The following NRXN1 variants were observed in gnomAD, a reference collection of about 807,000 sequenced individuals.
NRXN1 encodes the protein neurexin 1, also known as neurexin-1.
A neutral mutation model predicts 150.9 loss-of-function variants in NRXN1; 39 were observed. The ratio of observed to expected loss-of-function variants is 0.26; its 90% CI spans 0.20 to 0.34. The LOEUF (loss-of-function observed/expected upper bound fraction) is 0.34, where lower values mean the gene tolerates loss of function less well. NRXN1 is among the 10% of genes least tolerant of loss of function. The pLI, the probability that NRXN1 is intolerant of heterozygous loss-of-function variation, is 1.00. For missense variants in NRXN1, 1,815 were observed against 1,949.9 expected (o/e 0.93, Z 1.30); for synonymous variants, 924 against 757.0 (o/e 1.22, Z -3.62).
At chr2:51,006,087 C>A (rs953272885) in intron 2 of NRXN1, among the ~76,000 whole-genome samples, 9 of 151,766 alleles carry the variant, frequency 5.9e-5, no homozygotes, top group Admixed American at 2.0e-4. Context: ...AGCTAGCAAT[C>A]TTCAAAACGT....
chr2:51,005,880 T>C (rs1398760660), intron 2 of NRXN1, among the ~76,000 whole-genome samples: 2 of 151,872 alleles, frequency 1.3e-5, no homozygotes, highest in African/African-American at 4.8e-5. Context: ...AAATATATGT[T>C]GCCTACAAGA....
intron 5 of NRXN1, among the ~76,000 whole-genome samples, chr2:50,770,692 T>C (rs1364822886): frequency 5.3e-5 from 8 of 152,086 alleles, no homozygotes; most frequent in African/African-American, 1.7e-4. Context: ...TTTTTATTAC[T>C]ATTTTTCAAA....
chr2:50,447,987 T>C (rs920127221), intron 17 of NRXN1, among the ~76,000 whole-genome samples: 2 of 151,742 alleles, frequency 1.3e-5, no homozygotes, highest in Admixed American at 6.6e-5. Context: ...TGTTCATTTA[T>C]TGTGACAACT....
intron 8 of NRXN1, among the ~76,000 whole-genome samples, chr2:50,617,533 G>C (rs1258880587): frequency 2.0e-5 from 3 of 151,986 alleles, no homozygotes; most frequent in African/African-American, 7.2e-5. Context: ...GAAGTAAAAT[G>C]AAAAAGATTA....
chr2:50,423,583 T>C (rs1042133036), intron 17 of NRXN1, among the ~76,000 whole-genome samples: 3 of 152,110 alleles, frequency 2.0e-5, no homozygotes, highest in Non-Finnish European at 4.4e-5. Context: ...ATTAATTTTT[T>C]TCATAATTAA....
chr2:50,564,634 T>TATAC (rs1168559242), intron 8 of NRXN1, among the ~76,000 whole-genome samples: 11 of 152,308 alleles, frequency 7.2e-5, no homozygotes, highest in African/African-American at 2.6e-4. Flanking sequence ...TTATTTAGCT[T>TATAC]ATACTGGGTG....
chr2:50,830,486 G>GA lies in NRXN1; in HGVS notation c.832+91382dup, dbSNP rs370336755. Among the ~76,000 whole-genome samples the GA allele has an allele frequency of 5.7e-3, 791 of 138,600 alleles. 4 individuals are homozygous for GA. The highest frequency in any genetic ancestry group is 0.027 in the Middle Eastern group (7 of 256). 90.9% of individuals were successfully genotyped at this position (138,600 alleles called of 152,430 possible). A position where few individuals can be genotyped will look rare whatever the true frequency, so the allele number is the denominator to read the frequency against. On this transcript the variant is annotated intron_variant, in intron 5 of 22. Coordinates refer to ENST00000401669, the MANE Select transcript of NRXN1 (RefSeq NM_001330078.2). Reference sequence around the variant, plus strand: ...AAACCTTGGGCAGACGTTTTTAAATGAAAAAAAAAAAAGTTCAAAAAGCTC... The same window carrying GA: ...AAACCTTGGGCAGACGTTTTTAAATGAAAAAAAAAAAAAGTTCAAAAAGCTC...
chr2:50,739,758 T>C (rs562801324), intron 5 of NRXN1, among the ~76,000 whole-genome samples: 1 of 152,352 alleles, frequency 6.6e-6, no homozygotes, highest in South Asian at 2.1e-4. Context: ...ATTATGTAAG[T>C]ATCTTGTCCA....
intron 18 of NRXN1, among the ~76,000 whole-genome samples, chr2:50,128,841 G>C (rs112967825): frequency 0.17 from 26,495 of 151,600 alleles, 3,120 homozygotes; most frequent in Middle Eastern, 0.26. Context: ...AAATTAACCG[G>C]GCATGGTGGC....
At chr2:50,788,814 A>G (rs1044225264) in intron 5 of NRXN1, among the ~76,000 whole-genome samples, 1 of 152,224 alleles carries the variant, frequency 6.6e-6, no homozygotes. Flanking sequence ...TTACAATGTC[A>G]AAGGGTAAAA....
intron 2 of NRXN1, chr2:51,026,611 T>C (rs1670514885): frequency 3.1e-6 from 2 of 642,228 alleles, no homozygotes; most frequent in South Asian, 3.7e-5. Context: ...AGAAAATCTC[T>C]TGCAATCCCT....
chr2:50,553,624 C>A (rs1667828721), intron 8 of NRXN1, among the ~76,000 whole-genome samples: 1 of 152,226 alleles, frequency 6.6e-6, no homozygotes, highest in African/African-American at 2.4e-5. Context: ...GATCCCTGAC[C>A]TGCATCAATA....
At chr2:50,708,468 T>C (rs1694734826) in intron 5 of NRXN1, among the ~76,000 whole-genome samples, 1 of 152,176 alleles carries the variant, frequency 6.6e-6, no homozygotes. Flanking sequence ...GAACAGGGCT[T>C]GAGTTTTCAC....
At chr2:49,937,294 TTTTG>T (rs897727142) in intron 22 of NRXN1, among the ~76,000 whole-genome samples, 12 of 152,280 alleles carry the variant, frequency 7.9e-5, no homozygotes, top group African/African-American at 2.2e-4. Context: ...CTCCAGCCTT[TTTTG>T]TTTGTTTGTT....
chr2:50,297,762 A>G (rs1291912646), intron 17 of NRXN1, among the ~76,000 whole-genome samples: 1 of 152,182 alleles, frequency 6.6e-6, no homozygotes, highest in Admixed American at 6.6e-5. Context: ...GGTGATATAA[A>G]ATGTGCAGCT....
intron 5 of NRXN1, among the ~76,000 whole-genome samples, chr2:50,673,747 T>G (rs1427677190): frequency 6.6e-6 from 1 of 152,104 alleles, no homozygotes; most frequent in East Asian, 1.9e-4. Context: ...CAGCACTGAT[T>G]AAACACTTTT....
At chr2:51,007,301 A>T (rs1667175020) in intron 2 of NRXN1, among the ~76,000 whole-genome samples, 1 of 151,962 alleles carries the variant, frequency 6.6e-6, no homozygotes, top group Non-Finnish European at 1.5e-5. Context: ...CCAAAGAAAA[A>T]TTGATACAAT....
Position 51,028,021 on chromosome 2 carries a change from G to C in NRXN1, c.253C>G (p.Arg85Gly). The change falls in exon 2 of 23, where the codon CGC (arginine) becomes GGC (glycine). Residue 85 changes from arginine (R) to glycine (G), a missense_variant. Physicochemically the swap from Arg to Gly is moderately radical, Grantham distance 125. Coordinates refer to ENST00000401669, the MANE Select transcript of NRXN1 (RefSeq NM_001330078.2). ...FCDFLELILT[R>G]GGRLQLSFSI... ...AAGCTGAGCTGCAGGCGGCCGCCGC[G>C]CGTCAGAATCAGCTCCAGGAAGTCG... The C allele has an allele frequency of 6.3e-7, 1 of 1,599,712 alleles. No individual in the cohort carries two copies. Among genetic ancestry groups the C allele is most frequent in the Non-Finnish European group, 8.5e-7 (1 of 1,177,738 alleles).
intron 18 of NRXN1, among the ~76,000 whole-genome samples, chr2:50,098,894 T>G (rs1700643677): frequency 1.7e-5 from 2 of 115,140 alleles, no homozygotes; most frequent in African/African-American, 3.4e-5. Context: ...GCTAGTTACA[T>G]TTTGTAGCAC....
Sources: gnomAD v4.1 joint callset for allele counts (sites outside exome capture counted in the v4.1 genomes callset) on GRCh38, gnomAD v4.1.1 for gene constraint, MANE v1.5 for transcripts, NCBI Gene and HGNC (gene_info 2026-07-23, HGNC 2026-07-21) for gene names.